ZDHHC23: variants seen among roughly 807,000 people sequenced by gnomAD.
The protein encoded by ZDHHC23 is palmitoyltransferase ZDHHC23.
In ZDHHC23, 41 loss-of-function variants were observed where a neutral mutation model predicts 40.2. The ratio of observed to expected loss-of-function variants is 1.02; its 90% CI spans 0.79 to 1.32. The LOEUF is 1.32. Among genes scored for constraint, ZDHHC23 ranks in the 40% most tolerant of loss-of-function variants. The pLI, the probability that ZDHHC23 is intolerant of heterozygous loss-of-function variation, is 0.00. For missense variants in ZDHHC23, 471 were observed against 541.5 expected (o/e 0.87, Z 1.29); for synonymous variants, 204 against 210.2 (o/e 0.97, Z 0.26).
In ZDHHC23 at chr3:113,962,835, T is replaced by A. The variant is rs903496766; in HGVS notation, c.*4205T>A. ...GGCTGCACATTTTGCACTGTTTTTA[T>A]ATACTTGTATTCATATCCTCTTATC... On this transcript the variant is annotated 3_prime_UTR_variant, in exon 5 of 5. Coordinates refer to ENST00000638807, the MANE Select transcript of ZDHHC23 (RefSeq NM_001320466.2). 1.3e-5 allele frequency: 2 copies of A among 152,224 alleles called. No homozygotes were observed. Among genetic ancestry groups the A allele is most frequent in the Non-Finnish European group, 2.9e-5 (2 of 68,034 alleles). The allele number at this position is 152,224 out of a possible 1,614,324, so 9.4% of individuals were successfully genotyped here.
rs1057186200 is a variant in ZDHHC23 at position 113,961,092 on chromosome 3, G to A, written c.*2462G>A. ...ATTGTGGAATCTTTGAAAGGACAAG[G>A]CCTCTGTGAATGAATCAGTCCCAGG... On this transcript the variant is annotated 3_prime_UTR_variant, in exon 5 of 5. Transcript: ENST00000638807. The A allele has an allele frequency of 9.4e-6, 2 of 213,730 alleles. No homozygotes were observed. The highest frequency in any genetic ancestry group is 2.2e-4 in the East Asian group (2 of 9,134). The allele number at this position is 213,730 out of a possible 1,614,324, so 13.2% of individuals were successfully genotyped here. A position where few individuals can be genotyped will look rare whatever the true frequency, so the allele number is the denominator to read the frequency against.
chr3:113,950,420 C>T (rs1028599087), intron 2 of ZDHHC23, among the ~76,000 whole-genome samples: 14 of 152,136 alleles, frequency 9.2e-5, no homozygotes, highest in African/African-American at 3.4e-4. Flanking sequence ...TCATAGATGA[C>T]ACCTTCTTGG....
In ZDHHC23 at chr3:113,954,383, T is replaced by A; in HGVS notation, c.845T>A (p.Val282Glu). 1 of 1,603,274 alleles carries A rather than the reference T, an allele frequency of 6.2e-7. No homozygotes were observed. The highest frequency in any genetic ancestry group is 8.5e-7 in the Non-Finnish European group (1 of 1,174,482). The change falls in exon 3 of 5, where the codon GTG becomes GAG. Residue 282 changes from valine (V) to glutamate (E), a missense_variant. Transcript: ENST00000638807. ...CACTGCCGGATATGTGGCATCTGTG[T>A]GAGGAGAATGGATCATCATTGTGTC... ...AWHCRICGIC[V>E]RRMDHHCVWI...
At chr3:113,965,871 A>C (rs1373059001), downstream of ZDHHC23, among the ~76,000 whole-genome samples, 1 of 152,134 alleles carries the variant, frequency 6.6e-6, no homozygotes, top group Non-Finnish European at 1.5e-5. Context: ...CTGGGATTAC[A>C]GGTGTGGGCC....
At chr3:113,965,143 C>T (rs760673436), downstream of ZDHHC23, 7 of 1,563,746 alleles carry the variant, frequency 4.5e-6, no homozygotes, top group East Asian at 9.1e-5. Flanking sequence ...CTAAATATTA[C>T]ACTAATCTGG....
At chr3:113,953,155 T>C (rs1305016526) in intron 2 of ZDHHC23, among the ~76,000 whole-genome samples, 3 of 151,412 alleles carry the variant, frequency 2.0e-5, no homozygotes, top group East Asian at 3.8e-4. Context: ...TGCACACATT[T>C]CTTTCCACTG....
chr3:113,950,787 A>G (rs1938584173), intron 2 of ZDHHC23, among the ~76,000 whole-genome samples: 1 of 152,214 alleles, frequency 6.6e-6, no homozygotes, highest in Non-Finnish European at 1.5e-5. Context: ...ATTCATCCTG[A>G]GACAAGTTCT....
chr3:113,963,669 C>T (rs1939851586), downstream of ZDHHC23, among the ~76,000 whole-genome samples: 2 of 151,340 alleles, frequency 1.3e-5, no homozygotes, highest in Admixed American at 6.6e-5. Context: ...CTGAGAGGTC[C>T]AGGATTCAGT....
intron 3 of ZDHHC23, among the ~76,000 whole-genome samples, chr3:113,955,991 C>T (rs183109422): frequency 0.014 from 2,056 of 152,264 alleles, 34 homozygotes; most frequent in Non-Finnish European, 0.016. Flanking sequence ...TGCCTGTAAT[C>T]CCAACACTTT....
chr3:113,958,872 C>T lies in ZDHHC23; in HGVS notation c.*242C>T. The T allele has an allele frequency of 7.6e-7, 1 of 1,323,996 alleles. No homozygotes were observed. The highest frequency in any genetic ancestry group is 9.8e-7 in the Non-Finnish European group (1 of 1,015,538). The allele number at this position is 1,323,996 out of a possible 1,614,324, so 82.0% of individuals were successfully genotyped here. ...GTCACCTTTTTAATTGACTCAGTTG[C>T]CTGAACTTGAGAAGGATGTGGATTG... On this transcript the variant is annotated 3_prime_UTR_variant, in exon 5 of 5. Coordinates refer to ENST00000638807, the MANE Select transcript of ZDHHC23 (RefSeq NM_001320466.2).
At chr3:113,971,360 T>G in the ZDHHC23 span, among the ~76,000 whole-genome samples, 3 of 152,246 alleles carry the variant, frequency 2.0e-5, no homozygotes, top group Non-Finnish European at 4.4e-5. Context: ...TGCATAAATG[T>G]CTTCTTTTGA....
At chr3:113,956,313 T>C (rs775188204) in intron 3 of ZDHHC23, 26 bp from the exon 4 acceptor site, 2 of 1,595,412 alleles carry the variant, frequency 1.3e-6, no homozygotes, top group Admixed American at 1.8e-5. Flanking sequence ...TGTGTTTGCT[T>C]TTTTATTTCT....
At chr3:113,963,468 G>T (rs1279968574), downstream of ZDHHC23, 2 of 150,982 alleles carry the variant, frequency 1.3e-5, no homozygotes, top group East Asian at 2.0e-4. Context: ...GTGGCTGGGT[G>T]TGGTGGCTCA....
rs183167885 is a variant in ZDHHC23, at chr3:113,949,738, G to A, written c.161+775G>A. Among the ~76,000 whole-genome samples, 7 of 152,226 alleles carry A rather than the reference G, an allele frequency of 4.6e-5. No individual in the cohort carries two copies. In the East Asian group the frequency reaches 1.4e-3, roughly 29 times the overall value. On this transcript the variant is annotated intron_variant, in intron 2 of 4. Coordinates refer to ENST00000638807, the MANE Select transcript of ZDHHC23 (RefSeq NM_001320466.2). ...GCTTTTCCCATTAATAATTATTTCT[G>A]GTTAAAAAAGTCATTGCAACTGCCA...
Position 113,958,620 on chromosome 3 carries a change from A to G in ZDHHC23, c.1298A>G (p.Asp433Gly). The G allele has an allele frequency of 6.3e-7, 1 of 1,598,336 alleles. No individual in the cohort carries two copies. The highest frequency in any genetic ancestry group is 1.3e-5 in the African/African-American group (1 of 74,968). Reference sequence around the variant, plus strand: ...CGTGCATTCCACCACCCTGCCGAGGACATTGTCTGAAGTGCCTTCTATGTG... The same window carrying G: ...CGTGCATTCCACCACCCTGCCGAGGGCATTGTCTGAAGTGCCTTCTATGTG... The part of the protein sequence containing the change: ...GTRAFHHPAE[D>G]IV Residue 433 changes from aspartate (D) to glycine (G), a missense_variant, in exon 5 of 5, where the codon GAC becomes GGC. Asp to Gly is a moderately conservative substitution (Grantham distance 94). Around this residue, in one of 3 missense-constraint regions of ZDHHC23, gnomAD observed 346 missense variants for 399.8 expected, o/e 0.87. Coordinates refer to ENST00000638807, the MANE Select transcript of ZDHHC23 (RefSeq NM_001320466.2).
chr3:113,978,976 C>T, the ZDHHC23 span: 3 of 1,613,908 alleles, frequency 1.9e-6, no homozygotes, highest in Non-Finnish European at 2.5e-6. Context: ...CATGTATTTC[C>T]TCTGCAGGAA....
the ZDHHC23 span, chr3:113,978,319 GATCA>G: frequency 6.2e-7 from 1 of 1,613,794 alleles, no homozygotes; most frequent in Non-Finnish European, 8.5e-7. Context: ...TCTTCCTGCA[GATCA>G]ATCACGTACT....
chr3:113,966,826 C>T (rs12629973), downstream of ZDHHC23, among the ~76,000 whole-genome samples: 56 of 152,054 alleles, frequency 3.7e-4, no homozygotes, highest in African/African-American at 1.3e-3. Context: ...TGGCTGGGTG[C>T]GGTGGGTCAC....
chr3:113,956,570 G>T lies in ZDHHC23; in HGVS notation c.1040+64G>T, dbSNP rs570519512. ...AGTAATGGGTGTTGCCATTGACAGGGACTATTACTACTTGGTTAGGAGTTC... is the reference window on the plus strand; with the variant it reads ...AGTAATGGGTGTTGCCATTGACAGGTACTATTACTACTTGGTTAGGAGTTC... On this transcript the variant is annotated intron_variant, in intron 4 of 4. Transcript: ENST00000638807. 6.7e-6 allele frequency: 10 copies of T among 1,486,934 alleles called. No homozygotes were observed. In the East Asian group the frequency reaches 2.3e-4, roughly 34 times the overall value. The allele number at this position is 1,486,934 out of a possible 1,614,324, so 92.1% of individuals were successfully genotyped here. A position where few individuals can be genotyped will look rare whatever the true frequency, so the allele number is the denominator to read the frequency against.
Sources: gnomAD v4.1 joint callset for allele counts (sites outside exome capture counted in the v4.1 genomes callset) on GRCh38, gnomAD v4.1.1 for gene constraint, gnomAD v4.1.1 regional missense constraint, MANE v1.5 for transcripts, NCBI Gene and HGNC (gene_info 2026-07-23, HGNC 2026-07-21) for gene names.